MAGED1: variants seen among roughly 807,000 people sequenced by gnomAD.
MAGED1 encodes the protein melanoma-associated antigen D1.
In MAGED1, 3 loss-of-function variants were observed where a neutral mutation model predicts 54.1. The ratio of observed to expected loss-of-function variants is 0.06; its 90% CI spans 0.03 to 0.14. MAGED1 has a LOEUF of 0.14. Among genes scored for constraint, MAGED1 ranks in the 10% least tolerant of loss-of-function variants. MAGED1 has a pLI of 1.00. For synonymous variants in MAGED1, 217 were observed against 227.3 expected, an observed-to-expected ratio of 0.95 and a Z score of 0.41; for missense variants, 485 against 623.4, an observed-to-expected ratio of 0.78 and a Z score of 2.36.
At chrX:51,869,922 G>A (rs868914604) in intron 1 of MAGED1, among the ~76,000 whole-genome samples, 1 of 111,034 alleles carries the variant, frequency 9.0e-6, no homozygotes, top group South Asian at 3.8e-4. Context: ...CCCAGGCTGG[G>A]GTGCAGTGGT....
intron 1 of MAGED1, among the ~76,000 whole-genome samples, chrX:51,826,905 A>G (rs1399124556): frequency 8.9e-6 from 1 of 112,652 alleles, no homozygotes; most frequent in African/African-American, 3.2e-5. Flanking sequence ...TTGAAAACTT[A>G]TGTCTACACA....
rs186880463 is a variant in MAGED1 at position 51,811,534 on chromosome X, A to C, written c.-37+8417A>C. Among the ~76,000 whole-genome samples, 151 of 111,437 alleles carry C rather than the reference A, an allele frequency of 1.4e-3. 1 individual carries two copies. The highest frequency in any genetic ancestry group is 2.7e-3 in the South Asian group (7 of 2,631). On this transcript the variant is annotated intron_variant, in intron 1 of 12. Transcript: ENST00000375772. ...GGCTTAGGAAGGAACCACATCTCAT[A>C]TGTGGCCAGGAGGTGAAGGGGTGTT...
chrX:51,885,424 G>A (rs1049402111), intron 1 of MAGED1, among the ~76,000 whole-genome samples: 3 of 111,096 alleles, frequency 2.7e-5, no homozygotes, highest in South Asian at 3.8e-4. Flanking sequence ...GAGTATTTGC[G>A]GAGTGTGTAT....
At chrX:51,876,246 T>G (rs1927863513) in intron 1 of MAGED1, among the ~76,000 whole-genome samples, 1 of 110,582 alleles carries the variant, frequency 9.0e-6, no homozygotes, top group Non-Finnish European at 1.9e-5. Flanking sequence ...TTTTTTTTTT[T>G]TCTTTTCACA....
chrX:51,823,751 C>T (rs1925729547), intron 1 of MAGED1, among the ~76,000 whole-genome samples: 2 of 111,300 alleles, frequency 1.8e-5, no homozygotes, highest in East Asian at 2.8e-4. Flanking sequence ...TTCCACTGTG[C>T]CATTTCAATT....
At chrX:51,824,823 CATAT>C (rs1303654415) in intron 1 of MAGED1, among the ~76,000 whole-genome samples, 5 of 73,310 alleles carry the variant, frequency 6.8e-5, no homozygotes, top group African/African-American at 1.1e-4. Context: ...TGTATATATA[CATAT>C]ATATATATGC....
chrX:51,897,719 A>G lies in MAGED1; in HGVS notation c.1567-76A>G, dbSNP rs1928823233. On this transcript the variant is annotated intron_variant, in intron 6 of 12. Coordinates refer to ENST00000326587, the MANE Select transcript of MAGED1 (RefSeq NM_006986.4). The stretch of plus-strand genomic sequence containing the variant: ...CTACTGGGAGTTTAGGGCAAGTCTC[A>G]GGGAGATGAGTGTCTGCCTATGGGT... The G allele has an allele frequency of 5.8e-6, 6 of 1,042,979 alleles. No individual in the cohort carries two copies. In the South Asian group the frequency reaches 7.7e-5, roughly 13 times the overall value. The allele number at this position is 1,042,979 out of a possible 1,213,427, so 86.0% of individuals were successfully genotyped here. A position where few individuals can be genotyped will look rare whatever the true frequency, so the allele number is the denominator to read the frequency against.
chrX:51,896,499 G>T lies in MAGED1; in HGVS notation c.844G>T (p.Val282Leu). The T allele has an allele frequency of 8.3e-7, 1 of 1,211,828 alleles. No individual in the cohort carries two copies. Among genetic ancestry groups the T allele is most frequent in the Non-Finnish European group, 1.1e-6 (1 of 895,407 alleles). Residue 282 changes from valine to leucine, a missense_variant, in exon 4 of 13, where the codon GTG (valine) becomes TTG (leucine). Coordinates refer to ENST00000326587, the MANE Select transcript of MAGED1 (RefSeq NM_006986.4). Reference protein sequence around the residue: ...AGTWRSAPVPVTTQNPPGAPP... With the variant: ...AGTWRSAPVPLTTQNPPGAPP... Reference sequence around the variant, plus strand: ...GACCTGGAGGTCTGCACCAGTTCCAGTGACCACTCAGAACCCACCTGGCGC... The same window carrying T: ...GACCTGGAGGTCTGCACCAGTTCCATTGACCACTCAGAACCCACCTGGCGC...
intron 1 of MAGED1, among the ~76,000 whole-genome samples, chrX:51,851,156 C>T (rs1400710517): frequency 4.5e-5 from 5 of 111,732 alleles, no homozygotes; most frequent in African/African-American, 1.6e-4. Flanking sequence ...AGGCAAGTTA[C>T]TGCACTTAAC....
intron 1 of MAGED1, chrX:51,856,969 T>C (rs1927107024): frequency 9.0e-6 from 1 of 111,641 alleles, no homozygotes; most frequent in African/African-American, 3.3e-5. Flanking sequence ...GTTTTAGAAT[T>C]TGTGAGACAC....
intron 1 of MAGED1, among the ~76,000 whole-genome samples, chrX:51,884,945 C>CT (rs1413181028): frequency 1.8e-5 from 2 of 112,294 alleles, no homozygotes; most frequent in Admixed American, 1.9e-4. Flanking sequence ...CAGCAACCCA[C>CT]TAATAGAGAG....
chrX:51,867,211 C>G (rs1404359685), intron 1 of MAGED1, among the ~76,000 whole-genome samples: 2 of 111,687 alleles, frequency 1.8e-5, no homozygotes, highest in Non-Finnish European at 3.8e-5. Flanking sequence ...CAAAAGTGGG[C>G]CACTTGATGC....
intron 1 of MAGED1, among the ~76,000 whole-genome samples, chrX:51,854,505 G>C (rs1602238789): frequency 1.8e-5 from 2 of 111,499 alleles, no homozygotes; most frequent in East Asian, 2.8e-4. Flanking sequence ...ACCTTGTCAT[G>C]GTGACAAATA....
At chrX:51,804,686 C>T (rs1412250290) in intron 1 of MAGED1, among the ~76,000 whole-genome samples, 1 of 106,566 alleles carries the variant, frequency 9.4e-6, no homozygotes, top group Non-Finnish European at 1.9e-5. Context: ...GTTAAATGAA[C>T]GAAACAAAAA....
chrX:51,831,054 G>A (rs1343856402), intron 1 of MAGED1, among the ~76,000 whole-genome samples: 2 of 111,281 alleles, frequency 1.8e-5, no homozygotes, highest in Non-Finnish European at 3.8e-5. Flanking sequence ...TAGAGACAGG[G>A]TTTCACCATG....
chrX:51,886,930 C>T (rs1557362871), intron 1 of MAGED1, among the ~76,000 whole-genome samples: 1 of 110,012 alleles, frequency 9.1e-6, no homozygotes, highest in African/African-American at 3.3e-5. Context: ...GTGTCACGCA[C>T]CTGTGGTCCC....
At chrX:51,889,627 C>CA (rs1170454113), upstream of MAGED1, among the ~76,000 whole-genome samples, 1,763 of 16,336 alleles carry the variant, frequency 0.11, 114 homozygotes, top group Admixed American at 0.21. Flanking sequence ...GACTCTGTCT[C>CA]AAAAAAAAAA....
At chrX:51,888,346 A>G (rs1470424204) in intron 1 of MAGED1, among the ~76,000 whole-genome samples, 1 of 111,916 alleles carries the variant, frequency 8.9e-6, no homozygotes, top group Non-Finnish European at 1.9e-5. Context: ...ATCAAAGAGG[A>G]TATATGGATG....
chrX:51,811,993 A>G (rs1925235563), intron 1 of MAGED1, among the ~76,000 whole-genome samples: 1 of 110,419 alleles, frequency 9.1e-6, no homozygotes, highest in South Asian at 3.9e-4. Context: ...ACATGTTTTC[A>G]ACTGAGTGAG....
Sources: gnomAD v4.1 joint callset for allele counts (sites outside exome capture counted in the v4.1 genomes callset) on GRCh38, gnomAD v4.1.1 for gene constraint, MANE v1.5 for transcripts, NCBI Gene and HGNC (gene_info 2026-07-23, HGNC 2026-07-21) for gene names.